The following BNC2 variants were observed in gnomAD, a reference collection of about 807,000 sequenced individuals.
BNC2 encodes the protein basonuclin zinc finger protein 2.
BNC2 carries 20 observed loss-of-function variants against 76.3 expected under a neutral mutation model. That is an observed-to-expected ratio of 0.26 (90% confidence interval 0.18 to 0.38). The LOEUF (loss-of-function observed/expected upper bound fraction) is 0.38. Ranked by LOEUF, BNC2 falls within the 10% of genes least tolerant of loss-of-function variation. The probability of loss-of-function intolerance (pLI) is 1.00; values close to 1 mark genes in which losing one functional copy is unlikely to be tolerated. For missense variants in BNC2, 1,382 were observed against 1,399.8 expected (o/e 0.99, Z 0.20); for synonymous variants, 582 against 514.8 (o/e 1.13, Z -1.77).
intron 2 of BNC2, among the ~76,000 whole-genome samples, chr9:16,737,223 GCCA>G (rs1824698551): frequency 7.3e-6 from 1 of 137,008 alleles, no homozygotes; most frequent in African/African-American, 2.7e-5. Context: ...TCCCACCTCA[GCCA>G]CCACACCTGG....
chr9:16,581,507 G>C (rs1385270744), intron 4 of BNC2, among the ~76,000 whole-genome samples: 1 of 152,172 alleles, frequency 6.6e-6, no homozygotes, highest in Non-Finnish European at 1.5e-5. Flanking sequence ...GCAGACACCA[G>C]GGCATGCTCC....
chr9:16,863,012 T>G (rs577646953), intron 1 of BNC2, among the ~76,000 whole-genome samples: 2 of 151,768 alleles, frequency 1.3e-5, no homozygotes, highest in East Asian at 3.9e-4. Flanking sequence ...CCTCCCAGGT[T>G]CAAGTGATTC....
chr9:16,748,955 T>C (rs1825098141), intron 1 of BNC2, among the ~76,000 whole-genome samples: 1 of 139,174 alleles, frequency 7.2e-6, no homozygotes, highest in Non-Finnish European at 1.5e-5. Flanking sequence ...TATATGAAAT[T>C]AACAAAATAA....
At chr9:16,685,557 C>G (rs1422755947) in intron 3 of BNC2, 1 of 1,304,182 alleles carries the variant, frequency 7.7e-7, no homozygotes, top group South Asian at 1.2e-5. Flanking sequence ...GGACTTCCAG[C>G]CTGTGGTATG....
At chr9:16,838,981 C>A (rs1032990588) in intron 1 of BNC2, among the ~76,000 whole-genome samples, 1 of 152,184 alleles carries the variant, frequency 6.6e-6, no homozygotes, top group Admixed American at 6.5e-5. Flanking sequence ...TCTTAAGGAA[C>A]ACACGTGAAA....
chr9:16,468,823 T>A (rs538011170), intron 5 of BNC2, among the ~76,000 whole-genome samples: 1 of 152,164 alleles, frequency 6.6e-6, no homozygotes, highest in South Asian at 2.1e-4. Context: ...AGAGGAGGTA[T>A]CTAGGCCCAA....
rs147881027 is a variant in BNC2 at position 16,759,405 on chromosome 9, A to G, written c.4-20920T>C. 3.8e-3 allele frequency among the ~76,000 whole-genome samples: 585 copies of G among 152,296 alleles called. 3 individuals carry two copies. Among genetic ancestry groups the G allele is most frequent in the African/African-American group, 0.013 (561 of 41,588 alleles). ...AACTTTTAAGATTTCAGGAGGAGGA[A>G]AACCACCAAATATATTTTCCTTAAT... is the stretch of plus-strand genomic sequence containing the variant. On this transcript the variant is annotated intron_variant, in intron 1 of 6. Coordinates refer to ENST00000380672, the MANE Select transcript of BNC2 (RefSeq NM_017637.6).
At chr9:16,814,616 G>C (rs1424084600) in intron 1 of BNC2, among the ~76,000 whole-genome samples, 1 of 152,122 alleles carries the variant, frequency 6.6e-6, no homozygotes, top group Non-Finnish European at 1.5e-5. Flanking sequence ...TTCACCTTAT[G>C]GGTAAACAGA....
intron 3 of BNC2, among the ~76,000 whole-genome samples, chr9:16,599,519 C>T (rs1201135777): frequency 6.6e-6 from 1 of 152,228 alleles, no homozygotes; most frequent in Non-Finnish European, 1.5e-5. Flanking sequence ...CGCAGTGGCT[C>T]ACGCCTGTAA....
chr9:16,611,191 G>A (rs1029151146), intron 3 of BNC2, among the ~76,000 whole-genome samples: 1 of 152,126 alleles, frequency 6.6e-6, no homozygotes, highest in African/African-American at 2.4e-5. Context: ...AACTGCAGCC[G>A]AAATATATTT....
In BNC2 at chr9:16,417,916, T is replaced by C. The variant is rs1450503064; in HGVS notation, c.*1073A>G. On this transcript the variant is annotated 3_prime_UTR_variant, in exon 7 of 7. Transcript: ENST00000380672. ...CACCAAGTGTTTTTTTAAAAAGCGGTTTTCTGGTGGCCAACAAATTGGCCT... is the reference window on the plus strand; with the variant it reads ...CACCAAGTGTTTTTTTAAAAAGCGGCTTTCTGGTGGCCAACAAATTGGCCT... 1 of 152,562 alleles carries C rather than the reference T, an allele frequency of 6.6e-6. No individual in the cohort carries two copies. The highest frequency in any genetic ancestry group is 1.9e-4 in the East Asian group (1 of 5,192). The allele number at this position is 152,562 out of a possible 1,614,324, so 9.5% of individuals were successfully genotyped here. A position where few individuals can be genotyped will look rare whatever the true frequency, so the allele number is the denominator to read the frequency against.
chr9:16,713,527 G>A (rs1431056852), intron 3 of BNC2, among the ~76,000 whole-genome samples: 1 of 149,874 alleles, frequency 6.7e-6, no homozygotes, highest in East Asian at 2.0e-4. Context: ...TTCTCTTAGG[G>A]ATGTGCAGGC....
rs141087638 is a variant in BNC2, at chr9:16,567,803, A to AT, written c.434-15039dup. 5.0e-4 allele frequency among the ~76,000 whole-genome samples: 76 copies of AT among 152,316 alleles called. 1 individual carries two copies. The highest frequency in any genetic ancestry group is 1.7e-3 in the African/African-American group (71 of 41,576). The stretch of plus-strand genomic sequence containing the variant: ...CAGGTCCTGAGGTCCAGTGGAGTCC[A>AT]TCTAGCTGTTCAGGCATGGCAGTGT... On this transcript the variant is annotated intron_variant, in intron 4 of 6. Coordinates refer to ENST00000380672, the MANE Select transcript of BNC2 (RefSeq NM_017637.6).
At chr9:16,786,450 C>G (rs534356162) in intron 1 of BNC2, among the ~76,000 whole-genome samples, 1 of 152,224 alleles carries the variant, frequency 6.6e-6, no homozygotes, top group Admixed American at 6.5e-5. Context: ...AAAAAAAAGT[C>G]AGTCTCTACC....
chr9:16,460,516 A>AG (rs1033463366), intron 5 of BNC2, among the ~76,000 whole-genome samples: 2 of 152,198 alleles, frequency 1.3e-5, no homozygotes, highest in South Asian at 2.1e-4. Context: ...CCAGTTACTC[A>AG]GGGGGTGGAG....
chr9:16,514,508 G>A (rs372765992), intron 5 of BNC2, among the ~76,000 whole-genome samples: 9 of 152,044 alleles, frequency 5.9e-5, no homozygotes, highest in African/African-American at 2.2e-4. Context: ...TTAAAAAGGG[G>A]GGAAAAATAC....
intron 3 of BNC2, among the ~76,000 whole-genome samples, chr9:16,652,205 A>G (rs1348061848): frequency 6.6e-6 from 1 of 152,248 alleles, no homozygotes; most frequent in Non-Finnish European, 1.5e-5. Context: ...TCAACATAAG[A>G]AACCAAAATA....
chr9:16,797,138 A>G (rs1817677096), intron 1 of BNC2, among the ~76,000 whole-genome samples: 1 of 128,098 alleles, frequency 7.8e-6, no homozygotes, highest in Non-Finnish European at 1.9e-5. Context: ...CTATTCCTAA[A>G]GCTTAATATA....
In BNC2 at chr9:16,436,528, T is replaced by C. The variant is rs1821019828; in HGVS notation, c.1666A>G (p.Ser556Gly). 2 of 1,613,990 alleles carry C rather than the reference T, an allele frequency of 1.2e-6. No individual in the cohort carries two copies. Among genetic ancestry groups the C allele is most frequent in the Admixed American group, 1.7e-5 (1 of 59,998 alleles). ...LDPVLQNPLPSQLVFSGLKTV... is the reference protein window; with the variant it reads ...LDPVLQNPLPGQLVFSGLKTV... The stretch of plus-strand genomic sequence containing the variant: ...TTTAGCCCAGAAAATACTAGCTGGC[T>C]AGGGAGAGGATTTTGCAAGACAGGG... Residue 556 changes from serine to glycine, a missense_variant, in exon 6 of 7, where the codon AGC becomes GGC. Physicochemically the swap from Ser to Gly is moderately conservative, Grantham distance 56 (BLOSUM62 0). Around this residue, in one of 3 missense-constraint regions of BNC2, gnomAD observed 798 missense variants for 775.5 expected, o/e 1.03. Transcript: ENST00000380672.
Sources: allele counts gnomAD v4.1 joint callset (sites outside exome capture counted in the v4.1 genomes callset), GRCh38; gene constraint gnomAD v4.1.1; regional missense constraint gnomAD v4.1.1; transcripts MANE v1.5; gene names NCBI Gene and HGNC (gene_info 2026-07-23, HGNC 2026-07-21).